The following CADPS2 variants were observed in gnomAD, a reference collection of about 807,000 sequenced individuals.
CADPS2 encodes the protein calcium-dependent secretion activator 2.
Under a neutral mutation model 172.5 loss-of-function variants are expected in CADPS2, and 93 were observed. That is an observed-to-expected ratio of 0.54 (90% CI 0.46 to 0.64). The LOEUF (loss-of-function observed/expected upper bound fraction) is 0.64. Ranked by LOEUF, CADPS2 falls within the 30% of genes least tolerant of loss-of-function variation. The probability of loss-of-function intolerance (pLI) is 0.00; values close to 1 mark genes in which losing one functional copy is unlikely to be tolerated. For missense variants in CADPS2, 1,420 were observed against 1,565.9 expected, an observed-to-expected ratio of 0.91 and a Z score of 1.57; for synonymous variants, 546 against 555.2, an observed-to-expected ratio of 0.98 and a Z score of 0.23.
intron 7 of CADPS2, among the ~76,000 whole-genome samples, chr7:122,579,618 TAAGAA>T (rs1047272954): frequency 1.3e-5 from 2 of 151,332 alleles, no homozygotes; most frequent in Non-Finnish European, 2.9e-5. Context: ...ATAGTTACAA[TAAGAA>T]AAGTAACATT....
intron 2 of CADPS2, among the ~76,000 whole-genome samples, chr7:122,708,794 T>C (rs979844441): frequency 3.3e-5 from 5 of 151,778 alleles, no homozygotes; most frequent in African/African-American, 9.7e-5. Flanking sequence ...ATTTAGAAGA[T>C]AGAATGGTAA....
chr7:122,503,121 T>C (rs1052695095), intron 9 of CADPS2, among the ~76,000 whole-genome samples: 27 of 141,266 alleles, frequency 1.9e-4, no homozygotes, highest in Non-Finnish European at 2.7e-4. Context: ...AACCTCTGCC[T>C]CCTGGGTTCA....
intron 8 of CADPS2, among the ~76,000 whole-genome samples, chr7:122,552,011 T>G (rs2064365269): frequency 6.6e-6 from 1 of 152,144 alleles, no homozygotes; most frequent in African/African-American, 2.4e-5. Flanking sequence ...TACACACAGG[T>G]GTATTATTCA....
intron 3 of CADPS2, among the ~76,000 whole-genome samples, chr7:122,638,748 A>T (rs1476898): frequency 0.82 from 124,073 of 152,176 alleles, 50,669 homozygotes; most frequent in Middle Eastern, 0.93. Flanking sequence ...CACTAATTCT[A>T]TCCCTGTGTT....
intron 5 of CADPS2, among the ~76,000 whole-genome samples, chr7:122,617,652 A>G (rs1295755951): frequency 1.3e-5 from 2 of 152,220 alleles, no homozygotes; most frequent in East Asian, 3.9e-4. Flanking sequence ...AAAAAATGAC[A>G]CTGGGCAATA....
intron 19 of CADPS2, 108 bp from the exon 20 acceptor site, chr7:122,407,804 C>A (rs888081154): frequency 8.4e-6 from 9 of 1,077,216 alleles, no homozygotes; most frequent in South Asian, 2.8e-5. Context: ...GTTTCACAAA[C>A]AGGTATGATA....
At chr7:122,486,926 T>C (rs2152289687) in intron 11 of CADPS2, among the ~76,000 whole-genome samples, 1 of 152,294 alleles carries the variant, frequency 6.6e-6, no homozygotes, top group African/African-American at 2.4e-5. Context: ...CAGGTGATTA[T>C]TTTTAGCAAT....
chr7:122,389,724 A>G (rs1369914047), intron 22 of CADPS2, among the ~76,000 whole-genome samples: 1 of 152,046 alleles, frequency 6.6e-6, no homozygotes, highest in Non-Finnish European at 1.5e-5. Flanking sequence ...TGTATGATTC[A>G]TTTGTTCTCA....
intron 2 of CADPS2, among the ~76,000 whole-genome samples, chr7:122,731,557 T>C (rs990937379): frequency 1.5e-4 from 23 of 150,088 alleles, no homozygotes; most frequent in Admixed American, 1.4e-3. Flanking sequence ...AATTGAAAAA[T>C]AGACCAAAAC....
intron 3 of CADPS2, among the ~76,000 whole-genome samples, chr7:122,630,779 A>G (rs1241425610): frequency 6.6e-6 from 1 of 152,198 alleles, no homozygotes; most frequent in African/African-American, 2.4e-5. Context: ...GAGAAAAACT[A>G]TACAAAAGGC....
intron 27 of CADPS2, among the ~76,000 whole-genome samples, chr7:122,348,303 A>G (rs1485007627): frequency 3.3e-5 from 5 of 152,164 alleles, no homozygotes; most frequent in Non-Finnish European, 5.9e-5. Flanking sequence ...AGATTAGACT[A>G]TCATGAAACA....
At chr7:122,815,218 G>A (rs1427208536) in intron 1 of CADPS2, among the ~76,000 whole-genome samples, 1 of 152,090 alleles carries the variant, frequency 6.6e-6, no homozygotes, top group African/African-American at 2.4e-5. Context: ...TGTAAGGTTT[G>A]TTTCCTCTAG....
chr7:122,352,820 T>C (rs557377681), intron 27 of CADPS2, among the ~76,000 whole-genome samples: 1 of 152,262 alleles, frequency 6.6e-6, no homozygotes, highest in African/African-American at 2.4e-5. Flanking sequence ...AAGCCACCAG[T>C]GTGTACTATT....
At chr7:122,548,168 G>T (rs186207467) in intron 8 of CADPS2, among the ~76,000 whole-genome samples, 36 of 152,090 alleles carry the variant, frequency 2.4e-4, no homozygotes, top group Non-Finnish European at 4.7e-4. Context: ...AGGAGTTCAA[G>T]AACAGCCTGG....
intron 19 of CADPS2, among the ~76,000 whole-genome samples, chr7:122,409,050 G>A (rs2047001293): frequency 6.6e-6 from 1 of 152,152 alleles, no homozygotes; most frequent in African/African-American, 2.4e-5. Context: ...GTTGGGAATG[G>A]TATGCATGAT....
intron 6 of CADPS2, among the ~76,000 whole-genome samples, chr7:122,587,972 G>C (rs2070037782): frequency 6.6e-6 from 1 of 152,078 alleles, no homozygotes; most frequent in African/African-American, 2.4e-5. Context: ...CAGTGATGCT[G>C]AGCTTTTCTC....
intron 2 of CADPS2, among the ~76,000 whole-genome samples, chr7:122,670,703 G>T (rs1369146697): frequency 6.6e-6 from 1 of 151,600 alleles, no homozygotes; most frequent in African/African-American, 2.4e-5. Context: ...GTTTCACCAT[G>T]TTGATCAGGC....
chr7:122,639,268 AATTT>A (rs1433279951), intron 3 of CADPS2, among the ~76,000 whole-genome samples: 1 of 152,138 alleles, frequency 6.6e-6, no homozygotes, highest in Non-Finnish European at 1.5e-5. Flanking sequence ...GAGTTTTTTA[AATTT>A]ATTTTCGACA....
At chr7:122,775,669 C>T (rs1379404075) in intron 1 of CADPS2, among the ~76,000 whole-genome samples, 2 of 152,286 alleles carry the variant, frequency 1.3e-5, no homozygotes, top group East Asian at 3.9e-4. Flanking sequence ...AGAATTAACA[C>T]TATAAATGAT....
Sources: allele counts gnomAD v4.1 joint callset (sites outside exome capture counted in the v4.1 genomes callset), GRCh38; gene constraint gnomAD v4.1.1; transcripts MANE v1.5; gene names NCBI Gene and HGNC (gene_info 2026-07-23, HGNC 2026-07-21).